The following WDR33 variants were observed in gnomAD, a reference collection of about 807,000 sequenced individuals.
WDR33 encodes WD repeat domain 33.
WDR33 carries 47 observed loss-of-function variants against 164.9 expected under a neutral mutation model. The ratio of observed to expected loss-of-function variants is 0.29; its 90% confidence interval spans 0.23 to 0.36. WDR33 has a LOEUF of 0.36. WDR33 is among the 10% of genes least tolerant of loss of function. WDR33 has a pLI of 1.00. For missense variants in WDR33, 1,137 were observed against 1,754.1 expected, an observed-to-expected ratio of 0.65 and a Z score of 6.28; for synonymous variants, 505 against 589.0, an observed-to-expected ratio of 0.86 and a Z score of 2.06.
At chr2:127,740,099 T>C (rs980591510) in intron 7 of WDR33, among the ~76,000 whole-genome samples, 5 of 152,108 alleles carry the variant, frequency 3.3e-5, no homozygotes, top group Non-Finnish European at 7.3e-5. Context: ...GTACTTAAGG[T>C]AATACTTTTA....
At chr2:127,745,722 C>A (rs1370901188) in intron 7 of WDR33, among the ~76,000 whole-genome samples, 2 of 151,980 alleles carry the variant, frequency 1.3e-5, no homozygotes, top group African/African-American at 2.4e-5. Context: ...TGTAAACCTA[C>A]CAAAAAGTAC....
chr2:127,805,263 A>G (rs918056092), intron 1 of WDR33, among the ~76,000 whole-genome samples: 1 of 151,354 alleles, frequency 6.6e-6, no homozygotes, highest in African/African-American at 2.4e-5. Flanking sequence ...TTTTTTTAAA[A>G]TAGAGACAGG....
At chr2:127,802,482 A>G (rs1217815822) in intron 1 of WDR33, among the ~76,000 whole-genome samples, 1 of 152,058 alleles carries the variant, frequency 6.6e-6, no homozygotes, top group Non-Finnish European at 1.5e-5. Flanking sequence ...GGGTTTCACC[A>G]TGTTGGCCAG....
chr2:127,750,650 TAAA>T lies in WDR33; in HGVS notation c.724+12409_724+12411del, dbSNP rs1174539929. ...GGGCAACAAGAGTGAAACTCCATCT[TAAA>T]AAAAAAAAAAAAAAAAAAAAAAAAA... On this transcript the variant is annotated intron_variant, in intron 7 of 21. Transcript: ENST00000322313. Among the ~76,000 whole-genome samples the T allele has an allele frequency of 9.5e-3, 142 of 14,938 alleles. 2 individuals are homozygous for T. The highest frequency in any genetic ancestry group is 0.024 in the African/African-American group (87 of 3,648). The allele number at this position is 14,938 out of a possible 152,430, so 9.8% of individuals were successfully genotyped here.
At chr2:127,775,090 A>G (rs1271473073) in intron 1 of WDR33, among the ~76,000 whole-genome samples, 1 of 152,214 alleles carries the variant, frequency 6.6e-6, no homozygotes, top group African/African-American at 2.4e-5. Flanking sequence ...TGAATTTACC[A>G]AATCCCACTG....
At position 127,735,543 on chromosome 2, in the gene WDR33, G is replaced by A. The variant is rs2105395756; in HGVS notation, c.725-8766C>T. 6 of 985,574 alleles carry A rather than the reference G, an allele frequency of 6.1e-6. No homozygotes were observed. The highest frequency in any genetic ancestry group is 3.5e-5 in the African/African-American group (2 of 57,298). 61.1% of individuals were successfully genotyped at this position (985,574 alleles called of 1,614,324 possible). On this transcript the variant is annotated intron_variant, in intron 7 of 21. Coordinates refer to ENST00000322313, the MANE Select transcript of WDR33 (RefSeq NM_018383.5). This position sits in a 1 kb window ranked among gnomAD's most constrained non-coding sequence, Gnocchi z 4.3. ...GATTTTCTAATACAGGAAGAAAAAAGGCAAACAAAGAATTCAAGTACCATC... is the reference window on the plus strand; with the variant it reads ...GATTTTCTAATACAGGAAGAAAAAAAGCAAACAAAGAATTCAAGTACCATC...
At chr2:127,755,010 TC>T (rs1207652761) in intron 7 of WDR33, among the ~76,000 whole-genome samples, 15 of 152,108 alleles carry the variant, frequency 9.9e-5, no homozygotes, top group African/African-American at 3.4e-4. Context: ...TATTAAGTAT[TC>T]TATTAAGTGG....
chr2:127,709,525 C>T lies in WDR33; in HGVS notation c.3530G>A (p.Arg1177Gln), dbSNP rs765816436. 15 of 1,614,134 alleles carry T rather than the reference C, an allele frequency of 9.3e-6. No individual in the cohort carries two copies. The highest frequency in any genetic ancestry group is 4.4e-5 in the South Asian group (4 of 91,084). Reference protein sequence around the residue: ...PDEFPRFEGGRKPDSWDGNRE... With the variant: ...PDEFPRFEGGQKPDSWDGNRE... ...GTTTCCATCCCAGGAATCTGGCTTC[C>T]GCCCTCCTTCAAAGCGAGGGAACTC... Residue 1177 changes from arginine to glutamine, a missense_variant, in exon 20 of 22, where the codon CGG becomes CAG. By Grantham distance (43) the Arg-to-Gln change is conservative. Coordinates refer to ENST00000322313, the MANE Select transcript of WDR33 (RefSeq NM_018383.5). The surrounding 1 kb of genome is among the most constrained non-coding windows in gnomAD (Gnocchi z 5.0).
In WDR33 at chr2:127,786,776, C is replaced by T. The variant is rs575028650; in HGVS notation, c.-23-15772G>A. ...TATTCTAGAAGCTTTCTTGTAGATT[C>T]CTTGGGATTTTCTAAATAGACATAT... On this transcript the variant is annotated intron_variant, in intron 1 of 21. Coordinates refer to ENST00000322313, the MANE Select transcript of WDR33 (RefSeq NM_018383.5). Among the ~76,000 whole-genome samples the T allele has an allele frequency of 1.4e-4, 21 of 151,070 alleles. No homozygotes were observed. In the South Asian group the frequency reaches 2.3e-3, roughly 17 times the overall value.
intron 1 of WDR33, among the ~76,000 whole-genome samples, chr2:127,797,074 C>G (rs1689067127): frequency 6.6e-6 from 1 of 152,018 alleles, no homozygotes; most frequent in Non-Finnish European, 1.5e-5. Flanking sequence ...ATCACCATGG[C>G]AGGGAAAATT....
chr2:127,720,111 T>C lies in WDR33; in HGVS notation c.1914A>G (p.Gln638=). ...PPGPQGQMGP[Q]GPPLHQGGGG... ...CACCTCCCTGATGCAGTGGAGGACCTTGTGGTCCCATTTGTCCCTGGGGTC... is the reference window on the plus strand; with the variant it reads ...CACCTCCCTGATGCAGTGGAGGACCCTGTGGTCCCATTTGTCCCTGGGGTC... The change falls in exon 16 of 22, where the codon CAA becomes CAG. Residue 638 remains glutamine (Q), a synonymous_variant. Transcript: ENST00000322313. This position sits in a 1 kb window ranked among gnomAD's most constrained non-coding sequence, Gnocchi z 5.9. 1 of 1,614,104 alleles carries C rather than the reference T, an allele frequency of 6.2e-7. No homozygotes were observed. Among genetic ancestry groups the C allele is most frequent in the Non-Finnish European group, 8.5e-7 (1 of 1,180,002 alleles).
intron 21 of WDR33, among the ~76,000 whole-genome samples, chr2:127,707,691 G>A (rs1479148681): frequency 6.6e-6 from 1 of 152,212 alleles, no homozygotes; most frequent in Non-Finnish European, 1.5e-5. Context: ...CAACTATCAA[G>A]ATCAAATGGC....
At position 127,735,641 on chromosome 2, in the gene WDR33, G is replaced by A; in HGVS notation, c.725-8864C>T. On this transcript the variant is annotated intron_variant, in intron 7 of 21. Transcript: ENST00000322313. This position sits in a 1 kb window ranked among gnomAD's most constrained non-coding sequence, Gnocchi z 4.3. The stretch of plus-strand genomic sequence containing the variant: ...TAACAGCAAACTCAGGCTACTTCTA[G>A]CCACAAGAACATAAAATGTAACAGA... 3.0e-6 allele frequency: 3 copies of A among 985,806 alleles called. No individual in the cohort carries two copies. The highest frequency in any genetic ancestry group is 3.6e-6 in the Non-Finnish European group (3 of 829,930). 61.1% of individuals were successfully genotyped at this position (985,806 alleles called of 1,614,324 possible). A position where few individuals can be genotyped will look rare whatever the true frequency, so the allele number is the denominator to read the frequency against.
intron 1 of WDR33, among the ~76,000 whole-genome samples, chr2:127,809,614 T>C (rs1437389280): frequency 6.6e-6 from 1 of 151,934 alleles, no homozygotes; most frequent in East Asian, 1.9e-4. Flanking sequence ...TTTTGTATTT[T>C]TAGTAGAGAC....
chr2:127,707,721 A>G (rs1267051575), intron 21 of WDR33, among the ~76,000 whole-genome samples: 1 of 152,228 alleles, frequency 6.6e-6, no homozygotes, highest in Non-Finnish European at 1.5e-5. Flanking sequence ...ATGGTGGCTC[A>G]TGAGAGGCCA....
chr2:127,724,697 T>C lies in WDR33; in HGVS notation c.1085+190A>G, dbSNP rs945334681. Reference sequence around the variant, plus strand: ...CTAGAAAATCTATTTTATTCCTCCTTAATGACTTCCATATCCACAAACAGA... The same window carrying C: ...CTAGAAAATCTATTTTATTCCTCCTCAATGACTTCCATATCCACAAACAGA... On this transcript the variant is annotated intron_variant, in intron 10 of 21. Transcript: ENST00000322313. The surrounding 1 kb of genome is among the most constrained non-coding windows in gnomAD (Gnocchi z 4.8). 6.6e-6 allele frequency among the ~76,000 whole-genome samples: 1 copy of C among 152,180 alleles called. No homozygotes were observed. Among genetic ancestry groups the C allele is most frequent in the African/African-American group, 2.4e-5 (1 of 41,426 alleles).
chr2:127,768,081 G>T, intron 4 of WDR33, 108 bp downstream of exon 4: 1 of 651,208 alleles, frequency 1.5e-6, no homozygotes, highest in Non-Finnish European at 2.3e-6. Flanking sequence ...CCAATTATAA[G>T]CCCAGATATA....
intron 1 of WDR33, among the ~76,000 whole-genome samples, chr2:127,792,353 T>C (rs2105481726): frequency 6.6e-6 from 1 of 152,162 alleles, no homozygotes; most frequent in East Asian, 1.9e-4. Context: ...CAAACTGAGA[T>C]GTTTATTAGC....
At chr2:127,715,725 T>C (rs1181448142) in intron 17 of WDR33, among the ~76,000 whole-genome samples, 2 of 152,220 alleles carry the variant, frequency 1.3e-5, no homozygotes, top group Non-Finnish European at 2.9e-5. Context: ...CGTTTGGACT[T>C]ACCTATGAAT....
Sources: gnomAD v4.1 joint callset for allele counts (sites outside exome capture counted in the v4.1 genomes callset) on GRCh38, gnomAD v4.1.1 for gene constraint, Gnocchi (gnomAD v3.1) non-coding constraint, MANE v1.5 for transcripts, NCBI Gene and HGNC (gene_info 2026-07-23, HGNC 2026-07-21) for gene names.